Variants in RIMS4 observed in about 807,000 individuals in gnomAD.
The protein encoded by RIMS4 is regulating synaptic membrane exocytosis protein 4.
A neutral mutation model predicts 29.0 loss-of-function variants in RIMS4; 9 were observed. The ratio of observed to expected loss-of-function variants is 0.31; its 90% CI spans 0.19 to 0.54. The LOEUF (loss-of-function observed/expected upper bound fraction) is 0.54, where lower values mean the gene tolerates loss of function less well. RIMS4 is among the 20% of genes least tolerant of loss of function. RIMS4 has a pLI of 0.94. For missense variants in RIMS4, 193 were observed against 365.7 expected, an observed-to-expected ratio of 0.53 and a Z score of 3.85; for synonymous variants, 130 against 152.9, an observed-to-expected ratio of 0.85 and a Z score of 1.10.
intron 1 of RIMS4, among the ~76,000 whole-genome samples, chr20:44,793,704 T>C (rs954002793): frequency 6.6e-6 from 1 of 152,110 alleles, no homozygotes. Context: ...GAGGCCTGAC[T>C]GGAGGAGGGT....
chr20:44,808,716 C>A (rs889320720), intron 1 of RIMS4, among the ~76,000 whole-genome samples: 1 of 152,208 alleles, frequency 6.6e-6, no homozygotes, highest in Non-Finnish European at 1.5e-5. Flanking sequence ...TATTGGGGAT[C>A]TGCCTCACCT....
At chr20:44,794,085 G>A (rs1339552012) in intron 1 of RIMS4, among the ~76,000 whole-genome samples, 1 of 152,100 alleles carries the variant, frequency 6.6e-6, no homozygotes, top group African/African-American at 2.4e-5. Flanking sequence ...ATAAAGGCAG[G>A]AATGAGACAG....
chr20:44,791,582 C>T (rs918701329), intron 1 of RIMS4, among the ~76,000 whole-genome samples: 1 of 152,148 alleles, frequency 6.6e-6, no homozygotes, highest in Non-Finnish European at 1.5e-5. Context: ...AGCATGATAC[C>T]GTTTTTAAAA....
chr20:44,764,667 C>T (rs559080087), intron 2 of RIMS4, among the ~76,000 whole-genome samples: 16 of 152,264 alleles, frequency 1.1e-4, no homozygotes, highest in East Asian at 3.9e-4. Context: ...ATGTCTGAGG[C>T]GCATGTGTTT....
Position 44,779,121 on chromosome 20 carries a change from A to G in RIMS4, c.98-7708T>C, listed in dbSNP as rs6094036. 2.9e-3 allele frequency among the ~76,000 whole-genome samples: 435 copies of G among 152,330 alleles called. 4 individuals are homozygous for G. The highest frequency in any genetic ancestry group is 0.01 in the African/African-American group (416 of 41,574). On this transcript the variant is annotated intron_variant, in intron 1 of 5. Coordinates refer to ENST00000372851, the MANE Select transcript of RIMS4 (RefSeq NM_182970.4). ...TAGTGTTCTCTACATTCTATTCACA[A>G]TGAATTATTCCAAATCTTCCATGTG...
chr20:44,797,990 G>T (rs1438361022), intron 1 of RIMS4, among the ~76,000 whole-genome samples: 1 of 152,194 alleles, frequency 6.6e-6, no homozygotes, highest in East Asian at 1.9e-4. Flanking sequence ...GTTTCTTTAT[G>T]ACAAATCCAG....
chr20:44,785,221 ATTC>A (rs1439380941), intron 1 of RIMS4, among the ~76,000 whole-genome samples: 17 of 150,440 alleles, frequency 1.1e-4, no homozygotes, highest in African/African-American at 2.4e-4. Context: ...ATTAAAAGCC[ATTC>A]TTCTTCTTTT....
intron 1 of RIMS4, among the ~76,000 whole-genome samples, chr20:44,780,685 A>T (rs968457670): frequency 1.3e-5 from 2 of 152,232 alleles, no homozygotes; most frequent in African/African-American, 4.8e-5. Flanking sequence ...CCTGCCCATA[A>T]TTACAAAGCT....
At chr20:44,777,622 A>G (rs2066165803) in intron 1 of RIMS4, among the ~76,000 whole-genome samples, 1 of 152,194 alleles carries the variant, frequency 6.6e-6, no homozygotes, top group Non-Finnish European at 1.5e-5. Flanking sequence ...ACAGATCATC[A>G]TATACTCTTA....
At chr20:44,772,810 T>C (rs2066142688) in intron 1 of RIMS4, among the ~76,000 whole-genome samples, 1 of 152,146 alleles carries the variant, frequency 6.6e-6, no homozygotes, top group East Asian at 1.9e-4. Context: ...ATCCTCCTCC[T>C]GCCAGAGGAC....
chr20:44,791,581 C>T (rs2066232909), intron 1 of RIMS4, among the ~76,000 whole-genome samples: 1 of 152,188 alleles, frequency 6.6e-6, no homozygotes, highest in African/African-American at 2.4e-5. Context: ...AAGCATGATA[C>T]CGTTTTTAAA....
intron 1 of RIMS4, among the ~76,000 whole-genome samples, chr20:44,808,154 C>T (rs1026938323): frequency 2.6e-5 from 4 of 151,858 alleles, no homozygotes; most frequent in African/African-American, 9.7e-5. Context: ...CACACAAATA[C>T]ACACACACCC....
At chr20:44,773,238 C>A (rs544314216) in intron 1 of RIMS4, among the ~76,000 whole-genome samples, 23 of 152,222 alleles carry the variant, frequency 1.5e-4, no homozygotes, top group African/African-American at 4.6e-4. Flanking sequence ...CGTGGGAGAG[C>A]GTGTGTGCCC....
chr20:44,762,913 A>G (rs1160669601), intron 2 of RIMS4, among the ~76,000 whole-genome samples: 1 of 152,208 alleles, frequency 6.6e-6, no homozygotes, highest in East Asian at 1.9e-4. Flanking sequence ...CTGCATTTCA[A>G]TGTTCTTATC....
At chr20:44,801,528 T>C (rs560386825) in intron 1 of RIMS4, among the ~76,000 whole-genome samples, 1 of 152,340 alleles carries the variant, frequency 6.6e-6, no homozygotes, top group African/African-American at 2.4e-5. Flanking sequence ...TTCCTGGTTT[T>C]AACACATAGC....
rs2066047944 is a variant in RIMS4, at chr20:44,754,208, C to T, written c.*1926G>A. The T allele has an allele frequency of 6.6e-6, 1 of 152,308 alleles. No individual in the cohort carries two copies. Among genetic ancestry groups the T allele is most frequent in the Non-Finnish European group, 1.5e-5 (1 of 68,086 alleles). The allele number at this position is 152,308 out of a possible 1,614,324, so 9.4% of individuals were successfully genotyped here. On this transcript the variant is annotated 3_prime_UTR_variant, in exon 6 of 6. Transcript: ENST00000372851. ...TCCACCCCCAGCCTTGGGATTCCACCCACCGCGGTCCCAGGAAACTCTGAA... is the reference window on the plus strand; with the variant it reads ...TCCACCCCCAGCCTTGGGATTCCACTCACCGCGGTCCCAGGAAACTCTGAA...
chr20:44,753,517 C>T lies in RIMS4; in HGVS notation c.*2617G>A, dbSNP rs2066044261. 6.6e-6 allele frequency: 1 copy of T among 152,402 alleles called. No individual in the cohort carries two copies. The highest frequency in any genetic ancestry group is 2.4e-5 in the African/African-American group (1 of 41,434). The allele number at this position is 152,402 out of a possible 1,614,324, so 9.4% of individuals were successfully genotyped here. A position where few individuals can be genotyped will look rare whatever the true frequency, so the allele number is the denominator to read the frequency against. Reference sequence around the variant, plus strand: ...TGGCCCAGAGATTGAAAACAGTCATCCCCTGGAGACCCCAGCCCCCCAGTG... The same window carrying T: ...TGGCCCAGAGATTGAAAACAGTCATTCCCTGGAGACCCCAGCCCCCCAGTG... On this transcript the variant is annotated 3_prime_UTR_variant, in exon 6 of 6. Transcript: ENST00000372851.
At chr20:44,764,382 C>T (rs944073661) in intron 2 of RIMS4, among the ~76,000 whole-genome samples, 2 of 152,164 alleles carry the variant, frequency 1.3e-5, no homozygotes, top group African/African-American at 4.8e-5. Context: ...AAAATGGGGT[C>T]AGTGTCACAT....
At position 44,795,821 on chromosome 20, in the gene RIMS4, G is replaced by A. The variant is rs560563731; in HGVS notation, c.97+14354C>T. Among the ~76,000 whole-genome samples, 10 of 152,202 alleles carry A rather than the reference G, an allele frequency of 6.6e-5. No homozygotes were observed. In the South Asian group the frequency reaches 1.7e-3, roughly 25 times the overall value. On this transcript the variant is annotated intron_variant, in intron 1 of 5. Transcript: ENST00000372851. ...TGAAAAATAATGTGGAACAGGTCAC[G>A]CAGCAGCTAAGCAGAGTGTGGTCTC...
Sources: gnomAD v4.1 joint callset for allele counts (sites outside exome capture counted in the v4.1 genomes callset) on GRCh38, gnomAD v4.1.1 for gene constraint, MANE v1.5 for transcripts, NCBI Gene and HGNC (gene_info 2026-07-23, HGNC 2026-07-21) for gene names.